SLC39A11: variants seen among roughly 807,000 people sequenced by gnomAD.
SLC39A11 encodes the protein solute carrier family 39 member 11, also known as zinc transporter ZIP11.
A neutral mutation model predicts 36.1 loss-of-function variants in SLC39A11; 33 were observed. The ratio of observed to expected loss-of-function variants is 0.91; its 90% CI spans 0.69 to 1.22. The LOEUF (loss-of-function observed/expected upper bound fraction) is 1.22. Among genes scored for constraint, SLC39A11 ranks in the 50% most tolerant of loss-of-function variants. The probability of loss-of-function intolerance (pLI) is 0.00; values close to 1 mark genes in which losing one functional copy is unlikely to be tolerated. For missense variants in SLC39A11, 432 were observed against 430.3 expected, an observed-to-expected ratio of 1.00 and a Z score of -0.03; for synonymous variants, 166 against 170.3, an observed-to-expected ratio of 0.97 and a Z score of 0.20.
At chr17:73,082,323 C>T (rs2060569689) in intron 3 of SLC39A11, among the ~76,000 whole-genome samples, 1 of 151,740 alleles carries the variant, frequency 6.6e-6, no homozygotes, top group African/African-American at 2.4e-5. Context: ...AATTATTAAA[C>T]ATTACAAAGC....
intron 4 of SLC39A11, among the ~76,000 whole-genome samples, chr17:73,025,939 G>A (rs1479700922): frequency 6.6e-6 from 1 of 151,474 alleles, no homozygotes; most frequent in Non-Finnish European, 1.5e-5. Flanking sequence ...CCAACATGCT[G>A]AAACTCCGTC....
At chr17:72,717,300 G>T (rs2073448415) in intron 7 of SLC39A11, among the ~76,000 whole-genome samples, 1 of 152,060 alleles carries the variant, frequency 6.6e-6, no homozygotes, top group Non-Finnish European at 1.5e-5. Context: ...TGGAGGTAGG[G>T]AGACCCGATG....
chr17:72,749,460 A>G (rs2075067187), intron 6 of SLC39A11, among the ~76,000 whole-genome samples: 1 of 152,236 alleles, frequency 6.6e-6, no homozygotes. Context: ...TATATTCACA[A>G]CAAAGTTGTC....
At chr17:72,985,695 G>A (rs1316305511) in intron 4 of SLC39A11, among the ~76,000 whole-genome samples, 2 of 152,142 alleles carry the variant, frequency 1.3e-5, no homozygotes, top group Non-Finnish European at 2.9e-5. Context: ...TTACAGGCAT[G>A]AGCCACCGCA....
At chr17:72,714,141 A>T (rs559904811) in intron 7 of SLC39A11, among the ~76,000 whole-genome samples, 1 of 152,118 alleles carries the variant, frequency 6.6e-6, no homozygotes, top group African/African-American at 2.4e-5. Context: ...GGATGACCTG[A>T]AGTCAGGAGT....
chr17:72,902,994 C>T (rs1223318705), intron 5 of SLC39A11, among the ~76,000 whole-genome samples: 1 of 152,096 alleles, frequency 6.6e-6, no homozygotes, highest in African/African-American at 2.4e-5. Context: ...AGGCCGGGCT[C>T]GGCGGCTCAT....
At chr17:73,031,769 G>A (rs1329943809) in intron 3 of SLC39A11, 55 bp from the exon 4 acceptor site, 3 of 1,581,692 alleles carry the variant, frequency 1.9e-6, no homozygotes, top group Non-Finnish European at 8.6e-7. Context: ...AGGCTTTCCA[G>A]GCAGGACCTC....
chr17:72,683,233 A>G (rs1294633465), intron 7 of SLC39A11, among the ~76,000 whole-genome samples: 5 of 152,224 alleles, frequency 3.3e-5, no homozygotes, highest in Non-Finnish European at 7.4e-5. Context: ...GGAAGGATGA[A>G]CCGAAAAATG....
intron 7 of SLC39A11, among the ~76,000 whole-genome samples, chr17:72,673,613 A>G (rs528461862): frequency 6.6e-6 from 1 of 152,082 alleles, no homozygotes; most frequent in Non-Finnish European, 1.5e-5. Context: ...ACTGTTTTCC[A>G]AAGAGATTGG....
intron 5 of SLC39A11, among the ~76,000 whole-genome samples, chr17:72,865,373 A>G (rs1173727085): frequency 6.8e-6 from 1 of 147,550 alleles, no homozygotes; most frequent in African/African-American, 2.5e-5. Flanking sequence ...AAGGATGCTC[A>G]TATGTTTCTA....
intron 6 of SLC39A11, among the ~76,000 whole-genome samples, chr17:72,739,153 A>T (rs1301229611): frequency 4.1e-5 from 6 of 147,364 alleles, no homozygotes; most frequent in African/African-American, 1.5e-4. Context: ...TTTGAGACAC[A>T]GTCTCACTCT....
chr17:72,787,344 A>G (rs1338942245), intron 6 of SLC39A11, among the ~76,000 whole-genome samples: 2 of 119,830 alleles, frequency 1.7e-5, no homozygotes, highest in East Asian at 2.5e-4. Flanking sequence ...TGCAAGCTCC[A>G]CCTCCCGGGT....
chr17:72,975,990 G>A (rs911003220), intron 4 of SLC39A11, among the ~76,000 whole-genome samples: 6 of 151,718 alleles, frequency 4.0e-5, no homozygotes, highest in African/African-American at 9.7e-5. Context: ...CTGAAATGGT[G>A]AAACCCCGTC....
chr17:72,675,357 G>A (rs1313022645), intron 7 of SLC39A11, among the ~76,000 whole-genome samples: 5 of 152,156 alleles, frequency 3.3e-5, no homozygotes, highest in Admixed American at 1.3e-4. Flanking sequence ...GGGTCCTCAC[G>A]GGCACTGAAT....
chr17:72,682,450 T>C (rs1251655051), intron 7 of SLC39A11, among the ~76,000 whole-genome samples: 1 of 152,172 alleles, frequency 6.6e-6, no homozygotes, highest in Non-Finnish European at 1.5e-5. Context: ...CGGTAGGCTA[T>C]CAGCAGTTAA....
In SLC39A11 at chr17:72,646,967, A is replaced by AAG. The variant is rs2069588430; in HGVS notation, c.*616_*617insCT. On this transcript the variant is annotated 3_prime_UTR_variant, in exon 10 of 10. Coordinates refer to ENST00000255559, the MANE Select transcript of SLC39A11 (RefSeq NM_139177.4). ...TGCCTTTAAAAAAAAAAAAAAAAAA[A>AAG]GCCAGACTAGCCAATTTCCTTCCCT... 1 of 149,852 alleles carries AAG rather than the reference A, an allele frequency of 6.7e-6. No individual in the cohort carries two copies. The highest frequency in any genetic ancestry group is 1.5e-5 in the Non-Finnish European group (1 of 67,506). The allele number at this position is 149,852 out of a possible 1,614,324, so 9.3% of individuals were successfully genotyped here. A position where few individuals can be genotyped will look rare whatever the true frequency, so the allele number is the denominator to read the frequency against.
intron 6 of SLC39A11, among the ~76,000 whole-genome samples, chr17:72,785,088 G>A (rs1018854275): frequency 2.6e-5 from 4 of 152,006 alleles, no homozygotes; most frequent in Admixed American, 1.3e-4. Context: ...GGCTGGTCTT[G>A]AACTCCTGAC....
intron 2 of SLC39A11, among the ~76,000 whole-genome samples, chr17:73,088,202 G>C (rs2060798327): frequency 1.3e-5 from 2 of 151,130 alleles, no homozygotes; most frequent in South Asian, 4.2e-4. Flanking sequence ...GCTGAGGCAG[G>C]AGAATCACTT....
rs1555674045 is a variant in SLC39A11, at chr17:73,004,207, G to GA, written c.306+27348dup. Among the ~76,000 whole-genome samples the GA allele has an allele frequency of 3.2e-4, 40 of 126,874 alleles. 2 individuals carry two copies. Among genetic ancestry groups the GA allele is most frequent in the African/African-American group, 1.0e-3 (36 of 34,664 alleles). 83.2% of individuals were successfully genotyped at this position (126,874 alleles called of 152,430 possible). On this transcript the variant is annotated intron_variant, in intron 4 of 9. Coordinates refer to ENST00000255559, the MANE Select transcript of SLC39A11 (RefSeq NM_139177.4). ...AGAAAGAAAGAAAGAAAGAAAGAAA[G>GA]AAAGAAAGAAAGAAAGAAAGAAAGA...
Sources: allele counts gnomAD v4.1 joint callset (sites outside exome capture counted in the v4.1 genomes callset), GRCh38; gene constraint gnomAD v4.1.1; transcripts MANE v1.5; gene names NCBI Gene and HGNC (gene_info 2026-07-23, HGNC 2026-07-21).